EPB41L3: variants seen among roughly 807,000 people sequenced by gnomAD.
The protein encoded by EPB41L3 is band 4.1-like protein 3.
In EPB41L3, 57 loss-of-function variants were observed where a neutral mutation model predicts 127.1. That is an observed-to-expected ratio of 0.45 (90% CI 0.36 to 0.56). The LOEUF (loss-of-function observed/expected upper bound fraction) is 0.56. Among genes scored for constraint, EPB41L3 ranks in the 20% least tolerant of loss-of-function variants. The pLI is 0.00. For synonymous variants in EPB41L3, 572 were observed against 549.5 expected, an observed-to-expected ratio of 1.04 and a Z score of -0.57; for missense variants, 1,273 against 1,372.2, an observed-to-expected ratio of 0.93 and a Z score of 1.14.
At position 5,561,198 on chromosome 18, in the gene EPB41L3, A is replaced by C. The variant is rs556981084; in HGVS notation, c.-306+51142T>G. 4.3e-3 allele frequency among the ~76,000 whole-genome samples: 647 copies of C among 151,878 alleles called. 2 individuals are homozygous for C. The highest frequency in any genetic ancestry group is 8.5e-3 in the South Asian group (41 of 4,814). ...TTCACCGTATTAGCCAGGATGGTCA[A>C]GATCTCCTGACCTCGTGATCCGCCC... On this transcript the variant is annotated intron_variant, in intron 3 of 21. Transcript: ENST00000545076.
chr18:5,614,919 AG>A (rs2094774991), intron 1 of EPB41L3, among the ~76,000 whole-genome samples: 1 of 152,226 alleles, frequency 6.6e-6, no homozygotes, highest in African/African-American at 2.4e-5. Flanking sequence ...TAGCTATGTC[AG>A]GGTCAGGTTA....
At chr18:5,540,632 G>A (rs2093692445) in intron 1 of EPB41L3, 1 of 780,840 alleles carries the variant, frequency 1.3e-6, no homozygotes, top group Non-Finnish European at 1.6e-6. Flanking sequence ...GAAAGAAATA[G>A]ATGCAGCGAT....
chr18:5,428,168 C>A (rs2078481902), intron 9 of EPB41L3, 145 bp downstream of exon 9: 2 of 848,948 alleles, frequency 2.4e-6, no homozygotes, highest in Non-Finnish European at 3.7e-6. Context: ...GTTTATTGGG[C>A]AAACCTACAA....
intron 3 of EPB41L3, among the ~76,000 whole-genome samples, chr18:5,555,359 T>C (rs1446767784): frequency 6.6e-6 from 1 of 152,158 alleles, no homozygotes; most frequent in Non-Finnish European, 1.5e-5. Context: ...GGTAGAGGTG[T>C]ATCTTAACCA....
At chr18:5,412,692 G>C (rs1451772226) in intron 13 of EPB41L3, among the ~76,000 whole-genome samples, 1 of 152,088 alleles carries the variant, frequency 6.6e-6, no homozygotes, top group African/African-American at 2.4e-5. Flanking sequence ...AAGAGGGAAA[G>C]GTTTAACGTC....
At chr18:5,421,792 T>C (rs1415415845) in intron 11 of EPB41L3, among the ~76,000 whole-genome samples, 2 of 152,022 alleles carry the variant, frequency 1.3e-5, no homozygotes, top group African/African-American at 4.8e-5. Context: ...CACAGAGTAA[T>C]ATAATGGACA....
intron 3 of EPB41L3, among the ~76,000 whole-genome samples, chr18:5,611,104 C>G (rs2094720240): frequency 6.6e-6 from 1 of 152,204 alleles, no homozygotes; most frequent in Non-Finnish European, 1.5e-5. Flanking sequence ...GGGCCTCTTT[C>G]TTACAGATGT....
intron 3 of EPB41L3, among the ~76,000 whole-genome samples, chr18:5,460,079 G>A (rs1030543790): frequency 6.6e-6 from 1 of 152,146 alleles, no homozygotes; most frequent in Non-Finnish European, 1.5e-5. Context: ...GGAGTTTCCA[G>A]TGTCTATTGT....
Position 5,395,591 on chromosome 18 carries a change from G to C in EPB41L3, c.3072+18C>G. ...CTCGCTCTCAAGGAATCCTCTTCTC[G>C]GTTCTCACTCCACTTACTTTGGTGA... On this transcript the variant is annotated intron_variant, in intron 20 of 22. Coordinates refer to ENST00000341928, the MANE Select transcript of EPB41L3 (RefSeq NM_012307.5). The C allele has an allele frequency of 6.2e-7, 1 of 1,608,886 alleles. No individual in the cohort carries two copies. The highest frequency in any genetic ancestry group is 8.5e-7 in the Non-Finnish European group (1 of 1,175,344).
At chr18:5,416,739 A>G (rs1053208513) in intron 12 of EPB41L3, among the ~76,000 whole-genome samples, 1 of 152,222 alleles carries the variant, frequency 6.6e-6, no homozygotes, top group Non-Finnish European at 1.5e-5. Flanking sequence ...AGTAAATCTG[A>G]TAACTTAACA....
chr18:5,561,126 C>A lies in EPB41L3; in HGVS notation c.-306+51214G>T, dbSNP rs1785396. 1.2e-3 allele frequency among the ~76,000 whole-genome samples: 167 copies of A among 144,814 alleles called. 4 individuals carry two copies. The highest frequency in any genetic ancestry group is 1.6e-3 in the Admixed American group (23 of 14,478). On this transcript the variant is annotated intron_variant, in intron 3 of 21. Transcript: ENST00000545076. ...CCGAGTAGCTGGGACTACAGGCGCC[C>A]GCCACTACGCCCGGCTAATGTCTTG... is the stretch of plus-strand genomic sequence containing the variant.
At chr18:5,461,072 TAAAG>T (rs2083918390) in intron 3 of EPB41L3, among the ~76,000 whole-genome samples, 1 of 152,208 alleles carries the variant, frequency 6.6e-6, no homozygotes, top group African/African-American at 2.4e-5. Flanking sequence ...ATCATACTAT[TAAAG>T]AAAGTTTTGT....
chr18:5,394,627 A>T, intron 22 of EPB41L3, 50 bp downstream of exon 22: 1 of 1,415,330 alleles, frequency 7.1e-7, no homozygotes, highest in South Asian at 1.2e-5. Context: ...GAAGTGCCCC[A>T]TGCCTCATGC....
chr18:5,436,012 T>C (rs536701091), intron 6 of EPB41L3, among the ~76,000 whole-genome samples: 9 of 152,340 alleles, frequency 5.9e-5, no homozygotes, highest in East Asian at 1.9e-4. Context: ...ACATTTTCCA[T>C]ATAATTTTGC....
At chr18:5,626,806 G>C (rs764074577) in intron 1 of EPB41L3, among the ~76,000 whole-genome samples, 15 of 152,292 alleles carry the variant, frequency 9.8e-5, no homozygotes, top group South Asian at 4.1e-4. Context: ...CCCTGCTTGA[G>C]TTTTTGCTTC....
At chr18:5,545,617 T>C (rs1014676749), upstream of EPB41L3, among the ~76,000 whole-genome samples, 1 of 152,220 alleles carries the variant, frequency 6.6e-6, no homozygotes, top group Non-Finnish European at 1.5e-5. Flanking sequence ...ACTTAAGTAA[T>C]GTTTTAAGAA....
At chr18:5,490,083 T>C (rs75351246) in intron 1 of EPB41L3, among the ~76,000 whole-genome samples, 2,337 of 152,332 alleles carry the variant, frequency 0.015, 59 homozygotes, top group African/African-American at 0.053. Flanking sequence ...AAATAACTTA[T>C]TTCTTGCTAT....
At chr18:5,524,334 C>T (rs1365902521) in intron 1 of EPB41L3, among the ~76,000 whole-genome samples, 2 of 152,200 alleles carry the variant, frequency 1.3e-5, no homozygotes, top group Non-Finnish European at 2.9e-5. Flanking sequence ...GCTGGGATTA[C>T]AGGCACCTGC....
chr18:5,417,194 T>C (rs544905145), intron 12 of EPB41L3, among the ~76,000 whole-genome samples: 3 of 152,346 alleles, frequency 2.0e-5, no homozygotes, highest in Non-Finnish European at 4.4e-5. Context: ...AACAGAAAGA[T>C]ATAATTTCCC....
Sources: gnomAD v4.1 joint callset for allele counts (sites outside exome capture counted in the v4.1 genomes callset) on GRCh38, gnomAD v4.1.1 for gene constraint, MANE v1.5 for transcripts, NCBI Gene and HGNC (gene_info 2026-07-23, HGNC 2026-07-21) for gene names.